PHACTR1: variants seen among roughly 807,000 people sequenced by gnomAD.
PHACTR1 encodes phosphatase and actin regulator 1, also known as RPEL repeat containing 1.
PHACTR1 carries 16 observed loss-of-function variants against 69.2 expected under a neutral mutation model. The ratio of observed to expected loss-of-function variants is 0.23; its 90% confidence interval spans 0.16 to 0.35. The LOEUF is 0.35. Ranked by LOEUF, PHACTR1 falls within the 10% of genes least tolerant of loss-of-function variation. PHACTR1 has a pLI of 1.00. For missense variants in PHACTR1, 510 were observed against 734.7 expected, an observed-to-expected ratio of 0.69 and a Z score of 3.54; for synonymous variants, 312 against 284.5, an observed-to-expected ratio of 1.10 and a Z score of -0.97.
intron 4 of PHACTR1, among the ~76,000 whole-genome samples, chr6:12,833,661 A>G (rs1158882099): frequency 8.5e-5 from 13 of 152,098 alleles, no homozygotes; most frequent in Non-Finnish European, 1.5e-5. Flanking sequence ...CCAGTTATTT[A>G]CTGGTCTCCT....
In PHACTR1 at chr6:12,944,461, T is replaced by A. The variant is rs915110201; in HGVS notation, c.251-108904T>A. On this transcript the variant is annotated intron_variant, in intron 4 of 14. Transcript: ENST00000332995. ...TCTGCTAATCTTTTCATTTAAAAAA[T>A]AAATTAGAAACAAAATTAATACAAC... is the stretch of plus-strand genomic sequence containing the variant. 3.9e-5 allele frequency among the ~76,000 whole-genome samples: 6 copies of A among 152,304 alleles called. No individual in the cohort carries two copies. In the East Asian group the frequency reaches 1.2e-3, roughly 29 times the overall value.
chr6:12,878,372 A>G (rs1254859294), intron 4 of PHACTR1, among the ~76,000 whole-genome samples: 1 of 152,248 alleles, frequency 6.6e-6, no homozygotes, highest in Non-Finnish European at 1.5e-5. Context: ...AGGGGCTTAC[A>G]ATCCCCAGCT....
At chr6:13,281,279 C>T (rs1780132685) in intron 12 of PHACTR1, 7 of 442,296 alleles carry the variant, frequency 1.6e-5, no homozygotes, top group South Asian at 1.4e-4. Context: ...TTGGGCCGGG[C>T]TCGGTGGCTC....
intron 4 of PHACTR1, chr6:12,958,156 C>A: frequency 5.7e-6 from 3 of 525,824 alleles, no homozygotes; most frequent in South Asian, 8.1e-5. Flanking sequence ...CTGCCAATAT[C>A]AATAGATTTG....
intron 5 of PHACTR1, among the ~76,000 whole-genome samples, chr6:13,130,084 A>G (rs941766217): frequency 2.6e-5 from 4 of 152,314 alleles, no homozygotes; most frequent in African/African-American, 7.2e-5. Context: ...CAAGATGGAA[A>G]TTTAAAAATT....
intron 4 of PHACTR1, among the ~76,000 whole-genome samples, chr6:12,815,849 A>C (rs974319095): frequency 6.6e-6 from 1 of 152,184 alleles, no homozygotes; most frequent in African/African-American, 2.4e-5. Context: ...CATGAAAAAA[A>C]GTCCTTTTTC....
At chr6:13,103,951 G>T (rs761867580) in intron 5 of PHACTR1, among the ~76,000 whole-genome samples, 1 of 152,152 alleles carries the variant, frequency 6.6e-6, no homozygotes, top group Non-Finnish European at 1.5e-5. Context: ...GGGCATGGTG[G>T]CACGCACCTG....
chr6:12,826,488 C>T (rs1776817062), intron 4 of PHACTR1, among the ~76,000 whole-genome samples: 1 of 152,174 alleles, frequency 6.6e-6, no homozygotes. Flanking sequence ...GTGAGATTAT[C>T]ATCTCCATGG....
At chr6:12,966,699 G>A (rs1562067483) in intron 4 of PHACTR1, among the ~76,000 whole-genome samples, 1 of 152,106 alleles carries the variant, frequency 6.6e-6, no homozygotes. Flanking sequence ...TATTGCAAAA[G>A]GGTGGTTAAA....
At chr6:13,149,185 G>T (rs1823917017) in intron 5 of PHACTR1, among the ~76,000 whole-genome samples, 1 of 152,170 alleles carries the variant, frequency 6.6e-6, no homozygotes, top group African/African-American at 2.4e-5. Flanking sequence ...CTGGTATTTA[G>T]ATCAGCATCT....
At chr6:12,904,055 T>C (rs1785470850) in intron 4 of PHACTR1, among the ~76,000 whole-genome samples, 1 of 152,218 alleles carries the variant, frequency 6.6e-6, no homozygotes, top group Non-Finnish European at 1.5e-5. Context: ...CATTTTAAGA[T>C]TTAGGGGATT....
At chr6:12,989,847 C>T (rs1326998147) in intron 4 of PHACTR1, among the ~76,000 whole-genome samples, 1 of 152,218 alleles carries the variant, frequency 6.6e-6, no homozygotes, top group Non-Finnish European at 1.5e-5. Context: ...AATGAATCTC[C>T]TTTGTGCTCA....
At chr6:13,276,804 T>G (rs1419866112) in intron 11 of PHACTR1, among the ~76,000 whole-genome samples, 2 of 151,898 alleles carry the variant, frequency 1.3e-5, no homozygotes, top group Non-Finnish European at 2.9e-5. Context: ...ATTTAAAAAA[T>G]AAAATAAAGA....
chr6:12,890,305 G>T (rs1438439611), intron 4 of PHACTR1, among the ~76,000 whole-genome samples: 1 of 152,144 alleles, frequency 6.6e-6, no homozygotes, highest in Non-Finnish European at 1.5e-5. Flanking sequence ...GTGCCAAAAA[G>T]GTTGGGGCTC....
At chr6:13,225,307 G>T (rs74978166) in intron 8 of PHACTR1, among the ~76,000 whole-genome samples, 2,690 of 152,282 alleles carry the variant, frequency 0.018, 73 homozygotes, top group African/African-American at 0.061. Flanking sequence ...TCAAGCACAT[G>T]CTAGGGTTCA....
At chr6:12,926,644 C>G (rs1453145276) in intron 4 of PHACTR1, among the ~76,000 whole-genome samples, 1 of 152,244 alleles carries the variant, frequency 6.6e-6, no homozygotes, top group Non-Finnish European at 1.5e-5. Flanking sequence ...AAGATTCCGC[C>G]TTTGTAGCAT....
At chr6:12,735,976 A>C (rs1764196042) in intron 3 of PHACTR1, among the ~76,000 whole-genome samples, 1 of 152,224 alleles carries the variant, frequency 6.6e-6, no homozygotes, top group Non-Finnish European at 1.5e-5. Flanking sequence ...CCACATACAA[A>C]AGGGAACAAA....
At chr6:12,842,808 G>C (rs1778831284) in intron 4 of PHACTR1, among the ~76,000 whole-genome samples, 1 of 152,070 alleles carries the variant, frequency 6.6e-6, no homozygotes, top group South Asian at 2.1e-4. Flanking sequence ...GCCTTCCAAA[G>C]TGCTGAGATT....
chr6:12,996,779 A>C (rs1181405944), intron 4 of PHACTR1, among the ~76,000 whole-genome samples: 2 of 152,238 alleles, frequency 1.3e-5, no homozygotes, highest in African/African-American at 2.4e-5. Context: ...AAACATACAG[A>C]TCAATCTAAT....
Sources: gnomAD v4.1 joint callset for allele counts (sites outside exome capture counted in the v4.1 genomes callset) on GRCh38, gnomAD v4.1.1 for gene constraint, MANE v1.5 for transcripts, NCBI Gene and HGNC (gene_info 2026-07-23, HGNC 2026-07-21) for gene names.